IRF8: variants seen among roughly 807,000 people sequenced by gnomAD.
IRF8 encodes the protein interferon consensus sequence binding protein 1.
In IRF8, 14 loss-of-function variants were observed where a neutral mutation model predicts 48.7. The observed-to-expected ratio is 0.29, with a 90% CI of 0.19 to 0.45. The LOEUF (loss-of-function observed/expected upper bound fraction) is 0.45, where lower values mean the gene tolerates loss of function less well. Among genes scored for constraint, IRF8 ranks in the 20% least tolerant of loss-of-function variants. The pLI is 1.00. For synonymous variants in IRF8, 278 were observed against 227.3 expected, an observed-to-expected ratio of 1.22 and a Z score of -2.01; for missense variants, 493 against 580.7, an observed-to-expected ratio of 0.85 and a Z score of 1.55.
chr16:85,907,220 C>T (rs540618763), intron 2 of IRF8, among the ~76,000 whole-genome samples: 2 of 152,170 alleles, frequency 1.3e-5, no homozygotes, highest in African/African-American at 2.4e-5. Flanking sequence ...TTTGCATCAA[C>T]AAAGTAGGCA....
Position 85,920,108 on chromosome 16 carries a change from G to C in IRF8, c.989-1G>C. 1 of 1,612,162 alleles carries C rather than the reference G, an allele frequency of 6.2e-7. No homozygotes were observed. ...AACACCCTCTGCCTGTGTCATTCCA[G>C]AGCTGCAGCAGTTCTATAACAGCCA... On this transcript the variant is annotated splice_acceptor_variant, in intron 7 of 8. Coordinates refer to ENST00000268638, the MANE Select transcript of IRF8 (RefSeq NM_002163.4). LOFTEE classifies it high-confidence loss of function.
At chr16:85,916,318 G>C (rs1905303756) in intron 6 of IRF8, among the ~76,000 whole-genome samples, 1 of 152,252 alleles carries the variant, frequency 6.6e-6, no homozygotes, top group Admixed American at 6.5e-5. Context: ...CGTCAGGCAG[G>C]TGGGCTGCAG....
At chr16:85,912,378 G>C (rs911431373) in intron 4 of IRF8, among the ~76,000 whole-genome samples, 2 of 152,248 alleles carry the variant, frequency 1.3e-5, no homozygotes, top group Non-Finnish European at 2.9e-5. Flanking sequence ...TTGTGTGTGA[G>C]TACTGCATAA....
intron 5 of IRF8, 189 bp from the exon 6 acceptor site, chr16:85,914,284 A>G (rs1245631188): frequency 1.7e-5 from 11 of 663,514 alleles, no homozygotes; most frequent in East Asian, 1.1e-4. Context: ...GGTTTTCTGC[A>G]TTTGTGAAAC....
Position 85,918,563 on chromosome 16 carries a change from G to C in IRF8, c.748G>C (p.Val250Leu). 1.2e-6 allele frequency: 2 copies of C among 1,604,266 alleles called. No homozygotes were observed. The highest frequency in any genetic ancestry group is 1.7e-5 in the Admixed American group (1 of 59,956). Residue 250 changes from valine to leucine, a missense_variant, in exon 7 of 9, where the codon GTG becomes CTG. Physicochemically the swap from Val to Leu is conservative, Grantham distance 32. Coordinates refer to ENST00000268638, the MANE Select transcript of IRF8 (RefSeq NM_002163.4). ...KLYGPEGLELVRFPPADAIPS... is the reference protein window; with the variant it reads ...KLYGPEGLELLRFPPADAIPS... Reference sequence around the variant, plus strand: ...GTATGGGCCCGAGGGCCTGGAGCTGGTGCGCTTCCCGCCGGCCGACGCCAT... The same window carrying C: ...GTATGGGCCCGAGGGCCTGGAGCTGCTGCGCTTCCCGCCGGCCGACGCCAT...
At chr16:85,919,064 G>T (rs534375721) in intron 7 of IRF8, among the ~76,000 whole-genome samples, 1 of 152,086 alleles carries the variant, frequency 6.6e-6, no homozygotes, top group Non-Finnish European at 1.5e-5. Flanking sequence ...GGTGATTGTC[G>T]GGAGGGTAAA....
intron 6 of IRF8, among the ~76,000 whole-genome samples, chr16:85,916,153 C>A (rs374841820): frequency 3.3e-5 from 5 of 152,176 alleles, no homozygotes; most frequent in African/African-American, 1.2e-4. Context: ...CTTACCTGTG[C>A]CGAGCACAAA....
chr16:85,899,848 G>A (rs1904770949), intron 1 of IRF8, among the ~76,000 whole-genome samples: 1 of 152,186 alleles, frequency 6.6e-6, no homozygotes, highest in Admixed American at 6.5e-5. Context: ...TGTAAAATGA[G>A]TCCCAATACA....
At chr16:85,919,461 G>A (rs1297562951) in intron 7 of IRF8, among the ~76,000 whole-genome samples, 2 of 152,214 alleles carry the variant, frequency 1.3e-5, no homozygotes, top group African/African-American at 4.8e-5. Flanking sequence ...AACTGCCAGA[G>A]GAGGGGCCTG....
chr16:85,915,019 G>T (rs1414699921), intron 6 of IRF8, among the ~76,000 whole-genome samples: 4 of 152,236 alleles, frequency 2.6e-5, no homozygotes, highest in Non-Finnish European at 5.9e-5. Context: ...TCTCTTTTGG[G>T]GCTGCAGGTG....
At position 85,921,540 on chromosome 16, in the gene IRF8, C is replaced by T. The variant is rs1431476956; in HGVS notation, c.*258C>T. ...AAAATTTTATTTTCTATCCTTTACC[C>T]GTCATTATCATTAGTTGCTATGATT... On this transcript the variant is annotated 3_prime_UTR_variant, in exon 9 of 9. Coordinates refer to ENST00000268638, the MANE Select transcript of IRF8 (RefSeq NM_002163.4). 2.0e-5 allele frequency: 10 copies of T among 499,306 alleles called. No homozygotes were observed. Among genetic ancestry groups the T allele is most frequent in the Middle Eastern group, 1.1e-3 (2 of 1,808 alleles). The allele number at this position is 499,306 out of a possible 1,614,324, so 30.9% of individuals were successfully genotyped here.
intron 1 of IRF8, among the ~76,000 whole-genome samples, 162 bp downstream of exon 1, chr16:85,899,385 G>A (rs1904748242): frequency 6.6e-6 from 1 of 152,214 alleles, no homozygotes; most frequent in Non-Finnish European, 1.5e-5. Context: ...CTATTTTCCA[G>A]CCACCTAAGT....
At chr16:85,903,224 C>G in intron 2 of IRF8, 35 bp downstream of exon 2, 3 of 1,576,294 alleles carry the variant, frequency 1.9e-6, no homozygotes, top group Non-Finnish European at 1.7e-6. Flanking sequence ...ACTGTGGGCA[C>G]AGTGTCTCCT....
intron 2 of IRF8, among the ~76,000 whole-genome samples, chr16:85,905,015 G>C (rs1904953691): frequency 6.6e-6 from 1 of 152,058 alleles, no homozygotes; most frequent in Non-Finnish European, 1.5e-5. Context: ...CCTATGCCTT[G>C]TGGGATGTTT....
In IRF8 at chr16:85,918,767, G is replaced by T. The variant is rs759196494; in HGVS notation, c.952G>T (p.Val318Leu). Residue 318 changes from valine to leucine, a missense_variant, in exon 7 of 9, where the codon GTG becomes TTG. Around this residue, in one of 3 missense-constraint regions of IRF8, gnomAD observed 408 missense variants for 449.6 expected, o/e 0.91. Transcript: ENST00000268638. The stretch of plus-strand genomic sequence containing the variant: ...GCCCAACAAGCTGGAGCGTGATGAG[G>T]TGGTCCAGGTCTTCGACACCAGCCA... ...GRPNKLERDE[V>L]VQVFDTSQFF... is the part of the protein sequence containing the mutation. 6.2e-7 allele frequency: 1 copy of T among 1,611,458 alleles called. No homozygotes were observed. The highest frequency in any genetic ancestry group is 1.3e-5 in the African/African-American group (1 of 75,072).
chr16:85,910,507 A>G (rs775384095), intron 3 of IRF8, among the ~76,000 whole-genome samples: 3 of 152,150 alleles, frequency 2.0e-5, no homozygotes, highest in Non-Finnish European at 4.4e-5. Flanking sequence ...ACCAAAAAGT[A>G]AAGTGTGATT....
intron 1 of IRF8, chr16:85,901,057 A>G (rs1222035359): frequency 6.6e-6 from 1 of 152,274 alleles, no homozygotes; most frequent in Non-Finnish European, 1.5e-5. Flanking sequence ...TCAATCTAGG[A>G]GAAATTTTTC....
rs755683105 is a variant in IRF8 at position 85,921,304 on chromosome 16, C to A, written c.*22C>A. ...CTAAGTGCGTCGCTTGGGCGCCCCACCCCGTCTGCGTCCTGCATCCATCTC... is the reference window on the plus strand; with the variant it reads ...CTAAGTGCGTCGCTTGGGCGCCCCAACCCGTCTGCGTCCTGCATCCATCTC... On this transcript the variant is annotated 3_prime_UTR_variant, in exon 9 of 9. Coordinates refer to ENST00000268638, the MANE Select transcript of IRF8 (RefSeq NM_002163.4). The A allele has an allele frequency of 2.5e-6, 4 of 1,610,530 alleles. No individual in the cohort carries two copies. The highest frequency in any genetic ancestry group is 2.7e-5 in the African/African-American group (2 of 74,938).
chr16:85,913,067 A>T, intron 4 of IRF8, 64 bp from the exon 5 acceptor site: 1 of 1,117,816 alleles, frequency 8.9e-7, no homozygotes, highest in Non-Finnish European at 1.4e-6. Flanking sequence ...TTTTACAAAC[A>T]CTGGAGCCCC....
Sources: allele counts gnomAD v4.1 joint callset (sites outside exome capture counted in the v4.1 genomes callset), GRCh38; gene constraint gnomAD v4.1.1; regional missense constraint gnomAD v4.1.1; transcripts MANE v1.5; gene names NCBI Gene and HGNC (gene_info 2026-07-23, HGNC 2026-07-21).